Variants in ADAM18 observed in about 807,000 individuals in gnomAD.
ADAM18 encodes the protein disintegrin and metalloproteinase domain-containing protein 18.
A neutral mutation model predicts 94.4 loss-of-function variants in ADAM18; 117 were observed. That is an observed-to-expected ratio of 1.24 (90% CI 1.07 to 1.45). The LOEUF is 1.45. ADAM18 is among the 40% of genes most tolerant of loss of function. ADAM18 has a pLI of 0.00. For missense variants in ADAM18, 936 were observed against 880.0 expected, an observed-to-expected ratio of 1.06 and a Z score of -0.81; for synonymous variants, 327 against 291.6, an observed-to-expected ratio of 1.12 and a Z score of -1.24.
intron 2 of ADAM18, among the ~76,000 whole-genome samples, chr8:39,593,810 A>T (rs901687269): frequency 6.6e-6 from 1 of 152,172 alleles, no homozygotes; most frequent in African/African-American, 2.4e-5. Context: ...GCATTATTTG[A>T]TACTAATATA....
At chr8:39,640,815 A>ATTT (rs142735088) in intron 10 of ADAM18, among the ~76,000 whole-genome samples, 1 of 147,748 alleles carries the variant, frequency 6.8e-6, no homozygotes, top group Non-Finnish European at 1.5e-5. Context: ...TTGGCCACAT[A>ATTT]TTTTTTTTTT....
chr8:39,694,818 A>G (rs1395812441), intron 17 of ADAM18, among the ~76,000 whole-genome samples: 1 of 151,554 alleles, frequency 6.6e-6, no homozygotes, highest in East Asian at 1.9e-4. Context: ...TGTACATTCT[A>G]TGGGTCCTAA....
intron 12 of ADAM18, among the ~76,000 whole-genome samples, chr8:39,661,297 C>T (rs1468963993): frequency 8.1e-5 from 12 of 147,772 alleles, no homozygotes; most frequent in African/African-American, 7.5e-5. Context: ...GGACTACAGG[C>T]GCCCACCACC....
At chr8:39,646,363 T>G (rs1204021153) in intron 11 of ADAM18, among the ~76,000 whole-genome samples, 1 of 152,150 alleles carries the variant, frequency 6.6e-6, no homozygotes, top group African/African-American at 2.4e-5. Flanking sequence ...ATGTTTTAAT[T>G]AAACATAATT....
intron 15 of ADAM18, among the ~76,000 whole-genome samples, chr8:39,679,633 C>T (rs1247391385): frequency 6.6e-6 from 1 of 152,072 alleles, no homozygotes. Context: ...ATGATAGGCA[C>T]AATAAAATGT....
chr8:39,624,220 G>T (rs915216238), intron 6 of ADAM18, among the ~76,000 whole-genome samples: 10 of 152,056 alleles, frequency 6.6e-5, no homozygotes, highest in African/African-American at 2.4e-4. Flanking sequence ...TAATTTCTTT[G>T]CCTAGGGCAA....
chr8:39,635,667 T>C (rs1216392343), intron 7 of ADAM18, among the ~76,000 whole-genome samples: 1 of 152,130 alleles, frequency 6.6e-6, no homozygotes, highest in East Asian at 1.9e-4. Flanking sequence ...TTCCATTGAG[T>C]TGACATGTTT....
intron 13 of ADAM18, among the ~76,000 whole-genome samples, chr8:39,666,712 G>A (rs1204725265): frequency 6.6e-6 from 1 of 152,172 alleles, no homozygotes; most frequent in Admixed American, 6.5e-5. Context: ...ATCAGATCTT[G>A]TGAGACCTAT....
intron 19 of ADAM18, among the ~76,000 whole-genome samples, chr8:39,727,711 T>G (rs1345877164): frequency 2.6e-5 from 4 of 152,156 alleles, no homozygotes; most frequent in Non-Finnish European, 4.4e-5. Context: ...TTAACTAGTC[T>G]CTAGGAAGTT....
intron 6 of ADAM18, among the ~76,000 whole-genome samples, chr8:39,616,049 C>T (rs779425524): frequency 1.4e-4 from 21 of 152,042 alleles, no homozygotes; most frequent in Non-Finnish European, 2.5e-4. Flanking sequence ...TGAAAGAAAT[C>T]AGGTGACAGA....
intron 12 of ADAM18, among the ~76,000 whole-genome samples, chr8:39,653,725 T>C (rs1820604691): frequency 6.6e-6 from 1 of 152,240 alleles, no homozygotes. Context: ...TGATATATCA[T>C]AGTTGTACAT....
intron 17 of ADAM18, among the ~76,000 whole-genome samples, chr8:39,695,546 CATCTTA>C (rs1821899823): frequency 6.6e-6 from 1 of 151,246 alleles, no homozygotes. Context: ...TATGATGAAG[CATCTTA>C]ATCTTTTGCC....
intron 16 of ADAM18, among the ~76,000 whole-genome samples, chr8:39,688,737 A>G (rs930103764): frequency 1.3e-5 from 2 of 152,174 alleles, no homozygotes; most frequent in African/African-American, 4.8e-5. Context: ...CTTTGGGTAT[A>G]TAACCAGTAA....
rs777920856 is a variant in ADAM18, at chr8:39,609,545, A to G, written c.328A>G (p.Ile110Val). Residue 110 changes from isoleucine to valine, a missense_variant, in exon 5 of 20, where the codon ATA (isoleucine) becomes GTA (valine). Coordinates refer to ENST00000265707, the MANE Select transcript of ADAM18 (RefSeq NM_014237.3). The stretch of plus-strand genomic sequence containing the variant: ...TCCAAATTCATTTGTGACACTCAGT[A>G]TATGTTCTGGTCTCAGGTAATAGCA... ...EFPNSFVTLS[I>V]CSGLRGFLQF... 3.7e-6 allele frequency: 6 copies of G among 1,610,056 alleles called. No individual in the cohort carries two copies. The highest frequency in any genetic ancestry group is 5.1e-6 in the Non-Finnish European group (6 of 1,177,280).
intron 6 of ADAM18, among the ~76,000 whole-genome samples, chr8:39,627,433 T>C (rs1819802053): frequency 6.7e-6 from 1 of 149,164 alleles, no homozygotes; most frequent in Non-Finnish European, 1.5e-5. Flanking sequence ...ATGGGGATTA[T>C]TACCATATTT....
chr8:39,671,345 A>G (rs905135417), intron 14 of ADAM18, among the ~76,000 whole-genome samples: 2 of 152,208 alleles, frequency 1.3e-5, no homozygotes, highest in Admixed American at 1.3e-4. Context: ...TTTAAGGGTA[A>G]TGGCATTAAA....
chr8:39,706,906 T>C lies in ADAM18; in HGVS notation c.2017+2T>C, dbSNP rs1822258097. On this transcript the variant is annotated splice_donor_variant, in intron 18 of 19. Transcript: ENST00000265707. LOFTEE classifies it high-confidence loss of function. ...ATGATGGAAATTTTCAGAAATCTGG[T>C]AAGTGGAAATTTGTTTTCTAAAGCA... The C allele has an allele frequency of 1.3e-6, 2 of 1,537,348 alleles. No individual in the cohort carries two copies.
rs530691572 is a variant in ADAM18, at chr8:39,598,283, T to A, written c.133-8024T>A. Among the ~76,000 whole-genome samples the A allele has an allele frequency of 3.9e-5, 6 of 152,160 alleles. No individual in the cohort carries two copies. The East Asian group carries it at 1.2e-3, about 29-fold the overall frequency. On this transcript the variant is annotated intron_variant, in intron 2 of 19. Coordinates refer to ENST00000265707, the MANE Select transcript of ADAM18 (RefSeq NM_014237.3). ...TTCTTATTGCATTGGCTAGGACTGG[T>A]AGTGTGATGTTGAAAGGAGTAGCTA... is the stretch of plus-strand genomic sequence containing the variant.
At chr8:39,608,979 T>C (rs999661320) in intron 3 of ADAM18, 63 bp from the exon 4 acceptor site, 4 of 941,174 alleles carry the variant, frequency 4.3e-6, no homozygotes, top group Non-Finnish European at 6.4e-6. Flanking sequence ...GTATGTAATA[T>C]TTGTTTTTAA....
Sources: allele counts gnomAD v4.1 joint callset (sites outside exome capture counted in the v4.1 genomes callset), GRCh38; gene constraint gnomAD v4.1.1; transcripts MANE v1.5; gene names NCBI Gene and HGNC (gene_info 2026-07-23, HGNC 2026-07-21).